The following WDR90 variants were observed in gnomAD, a reference collection of about 807,000 sequenced individuals.
WDR90 encodes WD repeat-containing protein 90.
WDR90 carries 238 observed loss-of-function variants against 195.2 expected under a neutral mutation model. That is an observed-to-expected ratio of 1.22 (90% CI 1.10 to 1.36). The LOEUF (loss-of-function observed/expected upper bound fraction) is 1.36. WDR90 is among the 40% of genes most tolerant of loss of function. The pLI, the probability that WDR90 is intolerant of heterozygous loss-of-function variation, is 0.00. For missense variants in WDR90, 2,734 were observed against 2,439.5 expected (o/e 1.12, Z -2.54); for synonymous variants, 1,265 against 1,052.4 (o/e 1.20, Z -3.91).
intron 34 of WDR90, chr16:663,123 T>C (rs774028042): frequency 2.7e-5 from 16 of 588,340 alleles, no homozygotes; most frequent in South Asian, 2.0e-4. Context: ...TGTTTGTTTT[T>C]TGTTTTTTGT....
At position 651,198 on chromosome 16, in the gene WDR90, G is replaced by C. The variant is rs758358069; in HGVS notation, c.669-1G>C. 6.2e-6 allele frequency: 10 copies of C among 1,613,148 alleles called. No homozygotes were observed. The highest frequency in any genetic ancestry group is 1.3e-5 in the African/African-American group (1 of 74,948). On this transcript the variant is annotated splice_acceptor_variant, in intron 6 of 40. Coordinates refer to ENST00000293879, the MANE Select transcript of WDR90 (RefSeq NM_145294.5). LOFTEE classifies it high-confidence loss of function. ...CACTGACTCTCCCTCTGCCTGCCAA[G>C]GTTTCCAAGTGAGAGCTTGAAAGTG... is the stretch of plus-strand genomic sequence containing the variant.
chr16:663,424 A>AGG (rs2037959826), intron 34 of WDR90: 1 of 146,242 alleles, frequency 6.8e-6, no homozygotes, highest in Non-Finnish European at 1.3e-5. Flanking sequence ...GGCGACAGAG[A>AGG]CTCCATCTCA....
At position 653,759 on chromosome 16, in the gene WDR90, G is replaced by A. The variant is rs781342785; in HGVS notation, c.1393G>A (p.Gly465Arg). Residue 465 changes from glycine to arginine, a missense_variant, in exon 13 of 41, where the codon GGG (glycine) becomes AGG (arginine). Physicochemically the swap from Gly to Arg is moderately radical, Grantham distance 125. Transcript: ENST00000293879. ...VVCSLSFSDS[G>R]ALLCGVGKDH... Reference sequence around the variant, plus strand: ...CCCTGTTCACAGCTTCTCTGACAGCGGGGCCCTTCTCTGCGGGGTTGGCAA... The same window carrying A: ...CCCTGTTCACAGCTTCTCTGACAGCAGGGCCCTTCTCTGCGGGGTTGGCAA... 66 of 1,613,232 alleles carry A rather than the reference G, an allele frequency of 4.1e-5. No homozygotes were observed. In the Middle Eastern group the frequency reaches 6.6e-4, roughly 16 times the overall value.
chr16:666,271 C>G lies in WDR90; in HGVS notation c.4661C>G (p.Pro1554Arg). The G allele has an allele frequency of 6.2e-7, 1 of 1,612,738 alleles. No individual in the cohort carries two copies. ...DKDGLVAVSH[P>R]CTGTTFRVLS... is the part of the protein sequence containing the mutation. Reference sequence around the variant, plus strand: ...GATGGGCTCGTGGCTGTGAGCCACCCCTGCACAGGGACAACCTTCCGTGTG... The same window carrying G: ...GATGGGCTCGTGGCTGTGAGCCACCGCTGCACAGGGACAACCTTCCGTGTG... Residue 1554 changes from proline (P) to arginine (R), a missense_variant, in exon 37 of 41, where the codon CCC (proline) becomes CGC (arginine). Coordinates refer to ENST00000293879, the MANE Select transcript of WDR90 (RefSeq NM_145294.5).
At chr16:650,767 G>A in intron 5 of WDR90, 58 bp downstream of exon 5, 1 of 1,581,228 alleles carries the variant, frequency 6.3e-7, no homozygotes, top group Non-Finnish European at 8.6e-7. Flanking sequence ...CAGCCCTGGA[G>A]AGGCCCAAGT....
rs2037641171 is a variant in WDR90, at chr16:651,255, C to G, written c.725C>G (p.Pro242Arg). The change falls in exon 7 of 41, where the codon CCT becomes CGT. Residue 242 changes from proline (P) to arginine (R), a missense_variant. Physicochemically the swap from Pro to Arg is moderately radical, Grantham distance 103 (BLOSUM62 -2). Coordinates refer to ENST00000293879, the MANE Select transcript of WDR90 (RefSeq NM_145294.5). ...PSKPIEKSCS[P>R]PEAVLLGPGP... ...AAGCCGATTGAGAAGAGCTGTTCCC[C>G]TCCTGAGGCAGGTGGGTCTGGGGGG... 3 of 1,613,038 alleles carry G rather than the reference C, an allele frequency of 1.9e-6. No individual in the cohort carries two copies. In the African/African-American group the frequency reaches 4.0e-5, roughly 22 times the overall value.
intron 40 of WDR90, 71 bp from the exon 41 acceptor site, chr16:667,361 G>C: frequency 6.5e-7 from 1 of 1,536,244 alleles, no homozygotes; most frequent in Non-Finnish European, 8.8e-7. Flanking sequence ...GGGACAGTCT[G>C]GGTGGGTTGG....
intron 11 of WDR90, 37 bp downstream of exon 11, chr16:653,488 C>A: frequency 6.2e-7 from 1 of 1,612,540 alleles, no homozygotes; most frequent in Non-Finnish European, 8.5e-7. Flanking sequence ...CTCACACCTG[C>A]AGCCCCTACA....
chr16:659,462 C>G, intron 26 of WDR90, 86 bp downstream of exon 26: 5 of 1,518,194 alleles, frequency 3.3e-6, no homozygotes, highest in Non-Finnish European at 4.5e-6. Context: ...TCACGCACGT[C>G]CAGCTCTGGG....
intron 1 of WDR90, 121 bp from the exon 2 acceptor site, chr16:649,642 G>A (rs2037597990): frequency 1.7e-6 from 2 of 1,187,030 alleles, no homozygotes; most frequent in African/African-American, 1.6e-5. Flanking sequence ...TGGCGTTGGC[G>A]TCGCCGGGGA....
intron 4 of WDR90, 32 bp downstream of exon 4, chr16:650,394 G>A (rs758664004): frequency 1.3e-5 from 20 of 1,599,548 alleles, no homozygotes; most frequent in Non-Finnish European, 1.7e-5. Flanking sequence ...GATGATCCAG[G>A]ACAGGTGGCT....
In WDR90 at chr16:658,999, C is replaced by T. The variant is rs1005597595; in HGVS notation, c.2999C>T (p.Ala1000Val). The T allele has an allele frequency of 5.0e-6, 8 of 1,613,158 alleles. No homozygotes were observed. The highest frequency in any genetic ancestry group is 6.8e-6 in the Non-Finnish European group (8 of 1,179,958). ...GCCGTCTTCCTCTGGGATGTCCTGGCCCCTACTGAGAGGCAAGTGCCTACT... is the reference window on the plus strand; with the variant it reads ...GCCGTCTTCCTCTGGGATGTCCTGGTCCCTACTGAGAGGCAAGTGCCTACT... ...GDAVFLWDVL[A>V]PTESDQSFPG... is the part of the protein sequence containing the mutation. Residue 1000 changes from alanine (A) to valine (V), a missense_variant, in exon 24 of 41, where the codon GCC (alanine) becomes GTC (valine). By Grantham distance (64) the Ala-to-Val change is moderately conservative. Coordinates refer to ENST00000293879, the MANE Select transcript of WDR90 (RefSeq NM_145294.5).
chr16:653,873 GT>G, intron 13 of WDR90, 70 bp downstream of exon 13: 1 of 1,572,104 alleles, frequency 6.4e-7, no homozygotes. Context: ...AAGGGTCTTG[GT>G]TTTCTGAAAC....
In WDR90 at chr16:658,226, G is replaced by A. The variant is rs375506439; in HGVS notation, c.2648G>A (p.Arg883His). Residue 883 changes from arginine (R) to histidine (H), a missense_variant, in exon 22 of 41, where the codon CGC becomes CAC. By Grantham distance (29) the Arg-to-His change is conservative (BLOSUM62 0). Coordinates refer to ENST00000293879, the MANE Select transcript of WDR90 (RefSeq NM_145294.5). Reference protein sequence around the residue: ...DIGTLDLASSRLDSAMAVCFG... With the variant: ...DIGTLDLASSHLDSAMAVCFG... The stretch of plus-strand genomic sequence containing the variant: ...GGCACTCTGGACCTGGCCAGCAGCC[G>A]CCTGGACTCAGCCATGGCTGTGTGC... 1.2e-5 allele frequency: 19 copies of A among 1,612,228 alleles called. No homozygotes were observed. The highest frequency in any genetic ancestry group is 3.3e-4 in the Middle Eastern group (2 of 6,080).
rs1188821982 is a variant in WDR90, at chr16:657,407, C to T, written c.2473+186C>T. 5 of 1,018,190 alleles carry T rather than the reference C, an allele frequency of 4.9e-6. No homozygotes were observed. The African/African-American group carries it at 6.5e-5, about 13-fold the overall frequency. 63.1% of individuals were successfully genotyped at this position (1,018,190 alleles called of 1,614,324 possible). On this transcript the variant is annotated intron_variant, in intron 20 of 40. Transcript: ENST00000293879. ...GACTGTGGTTTAGCGTTCACTGGAC[C>T]CCAAGGCCAGAGGTCAGCTCGGGTC...
chr16:657,213 G>C lies in WDR90; in HGVS notation c.2465G>C (p.Arg822Pro), dbSNP rs771430035. ...GCGGACCCCCAGTGGCATGTCCTCC[G>C]AGTGGCAGGTTGGGCCCCCTGCAGC... is the stretch of plus-strand genomic sequence containing the variant. The part of the protein sequence containing the change: ...SCADPQWHVL[R>P]VAADMVCPDA... Residue 822 changes from arginine to proline, a missense_variant, in exon 20 of 41, where the codon CGA becomes CCA. Arg to Pro is a moderately radical substitution (Grantham distance 103). Coordinates refer to ENST00000293879, the MANE Select transcript of WDR90 (RefSeq NM_145294.5). The C allele has an allele frequency of 6.1e-5, 94 of 1,547,246 alleles. No homozygotes were observed. Among genetic ancestry groups the C allele is most frequent in the Middle Eastern group, 5.2e-4 (3 of 5,758 alleles).
chr16:652,641 T>G, intron 10 of WDR90, 106 bp downstream of exon 10: 1 of 1,233,328 alleles, frequency 8.1e-7, no homozygotes, highest in Non-Finnish European at 1.1e-6. Flanking sequence ...TGGCTGTGTG[T>G]GGGCTCCCGA....
In WDR90 at chr16:662,204, C is replaced by T; in HGVS notation, c.4034-16C>T. On this transcript the variant is annotated splice_polypyrimidine_tract_variant and intron_variant, in intron 32 of 40. Transcript: ENST00000293879. ...GGAAGGCAGCCGTGGCCCCTTATGG[C>T]TCCTCCTGCCCCTAGGGCTGTTGCT... The T allele has an allele frequency of 1.3e-6, 2 of 1,532,342 alleles. No homozygotes were observed. Among genetic ancestry groups the T allele is most frequent in the Non-Finnish European group, 8.8e-7 (1 of 1,137,892 alleles). 94.9% of individuals were successfully genotyped at this position (1,532,342 alleles called of 1,614,324 possible).
In WDR90 at chr16:657,234, GCAGCCA is replaced by G. The variant is rs749032953; in HGVS notation, c.2473+15_2473+20del. Reference sequence around the variant, plus strand: ...CTCCGAGTGGCAGGTTGGGCCCCCTGCAGCCACTCTGGGGGACTCCTCAGGGCGGGG... The same window carrying G: ...CTCCGAGTGGCAGGTTGGGCCCCCTGCTCTGGGGGACTCCTCAGGGCGGGG... On this transcript the variant is annotated intron_variant, in intron 20 of 40. Transcript: ENST00000293879. 26 of 1,536,352 alleles carry G rather than the reference GCAGCCA, an allele frequency of 1.7e-5. 2 individuals are homozygous for G. Among genetic ancestry groups the G allele is most frequent in the East Asian group, 4.9e-5 (2 of 40,720 alleles).
Sources: gnomAD v4.1 joint callset for allele counts on GRCh38, gnomAD v4.1.1 for gene constraint, MANE v1.5 for transcripts, NCBI Gene and HGNC (gene_info 2026-07-23, HGNC 2026-07-21) for gene names.